The following SCHIP1 variants were observed in gnomAD, a reference collection of about 807,000 sequenced individuals.
SCHIP1 encodes the protein schwannomin-interacting protein 1.
Under a neutral mutation model 29.7 loss-of-function variants are expected in SCHIP1, and 8 were observed. That is an observed-to-expected ratio of 0.27 (90% CI 0.16 to 0.49). The LOEUF (loss-of-function observed/expected upper bound fraction) is 0.49, where lower values mean the gene tolerates loss of function less well. SCHIP1 is among the 20% of genes least tolerant of loss of function. The pLI is 0.99. For missense variants in SCHIP1, 193 were observed against 294.6 expected (o/e 0.66, Z 2.52); for synonymous variants, 76 against 94.9 (o/e 0.80, Z 1.16).
At chr3:159,279,110 C>T in the SCHIP1 span, among the ~76,000 whole-genome samples, 1 of 152,124 alleles carries the variant, frequency 6.6e-6, no homozygotes, top group African/African-American at 2.4e-5. Context: ...GTGTCCCCAC[C>T]CAAATCTCAC....
At chr3:159,738,886 C>T in the SCHIP1 span, among the ~76,000 whole-genome samples, 2 of 152,104 alleles carry the variant, frequency 1.3e-5, no homozygotes, top group South Asian at 4.1e-4. Flanking sequence ...GGAAAAGAAG[C>T]CAAACATGGG....
chr3:159,346,991 C>T, the SCHIP1 span, among the ~76,000 whole-genome samples: 3 of 148,524 alleles, frequency 2.0e-5, no homozygotes, highest in African/African-American at 5.0e-5. Flanking sequence ...CCAATGAATC[C>T]GAGTGGAGGA....
chr3:159,483,578 C>A, the SCHIP1 span, among the ~76,000 whole-genome samples: 1 of 152,100 alleles, frequency 6.6e-6, no homozygotes, highest in African/African-American at 2.4e-5. Context: ...TCCATAAACT[C>A]AAAGTTTCCA....
chr3:159,296,527 AT>A, the SCHIP1 span, among the ~76,000 whole-genome samples: 1 of 152,134 alleles, frequency 6.6e-6, no homozygotes, highest in South Asian at 2.1e-4. Context: ...TAATTCCAGC[AT>A]TTTGGGAGGC....
chr3:159,651,659 A>C, the SCHIP1 span, among the ~76,000 whole-genome samples: 39 of 152,230 alleles, frequency 2.6e-4, no homozygotes, highest in Non-Finnish European at 5.3e-4. Context: ...CAAATTGTAT[A>C]ATTATGAAAG....
the SCHIP1 span, among the ~76,000 whole-genome samples, chr3:159,668,845 T>C: frequency 6.6e-6 from 1 of 152,198 alleles, no homozygotes; most frequent in Non-Finnish European, 1.5e-5. Flanking sequence ...AAAAGTGTTA[T>C]GGTACTTTTT....
At chr3:159,512,077 T>G in the SCHIP1 span, among the ~76,000 whole-genome samples, 2 of 151,760 alleles carry the variant, frequency 1.3e-5, no homozygotes, top group Admixed American at 1.3e-4. Context: ...TGACAAATAA[T>G]TAGTGTCCAG....
chr3:159,815,500 G>A, the SCHIP1 span, among the ~76,000 whole-genome samples: 1 of 152,130 alleles, frequency 6.6e-6, no homozygotes, highest in Non-Finnish European at 1.5e-5. Context: ...TGAAAAGGAC[G>A]CCGAAGGTGT....
At chr3:159,448,591 G>T in the SCHIP1 span, among the ~76,000 whole-genome samples, 89 of 152,234 alleles carry the variant, frequency 5.8e-4, no homozygotes, top group African/African-American at 2.0e-3. Context: ...TTTAAGATTT[G>T]CCATAAAATA....
chr3:159,387,481 T>C, the SCHIP1 span: 1 of 178,578 alleles, frequency 5.6e-6, no homozygotes, highest in Non-Finnish European at 1.2e-5. Context: ...GCAGTCCTGG[T>C]GTTATTTGCC....
At chr3:159,295,008 G>T in the SCHIP1 span, among the ~76,000 whole-genome samples, 1 of 151,932 alleles carries the variant, frequency 6.6e-6, no homozygotes, top group Non-Finnish European at 1.5e-5. Flanking sequence ...CTTATCAACT[G>T]ACCCAAATTT....
chr3:159,671,911 C>T, the SCHIP1 span, among the ~76,000 whole-genome samples: 1 of 152,112 alleles, frequency 6.6e-6, no homozygotes, highest in African/African-American at 2.4e-5. Context: ...TGTATTTCCC[C>T]AAACAGGGAG....
At chr3:159,857,762 GTC>G (rs1713559619) in intron 1 of SCHIP1, among the ~76,000 whole-genome samples, 1 of 151,480 alleles carries the variant, frequency 6.6e-6, no homozygotes, top group Non-Finnish European at 1.5e-5. Flanking sequence ...ATAAATTTCT[GTC>G]TGTGCCAGGC....
the SCHIP1 span, among the ~76,000 whole-genome samples, chr3:159,455,639 T>C: frequency 2.0e-5 from 3 of 152,214 alleles, no homozygotes; most frequent in Admixed American, 6.5e-5. Flanking sequence ...ATTATGTAAC[T>C]TGTCAAGCTG....
the SCHIP1 span, among the ~76,000 whole-genome samples, chr3:159,361,868 A>T: frequency 6.6e-6 from 1 of 152,252 alleles, no homozygotes; most frequent in African/African-American, 2.4e-5. Context: ...TGGAAATCCC[A>T]TCAAATGAAA....
chr3:159,528,644 A>G, the SCHIP1 span, among the ~76,000 whole-genome samples: 205 of 152,284 alleles, frequency 1.3e-3, no homozygotes, highest in South Asian at 0.024. Flanking sequence ...TTTGGAGAAC[A>G]GTTCGTTTTT....
the SCHIP1 span, chr3:159,765,477 G>A: frequency 3.9e-6 from 1 of 257,796 alleles, no homozygotes; most frequent in South Asian, 8.5e-5. Context: ...GGAGATTCTG[G>A]CACCAAAAGT....
chr3:159,571,168 A>G, the SCHIP1 span, among the ~76,000 whole-genome samples: 1 of 152,154 alleles, frequency 6.6e-6, no homozygotes, highest in African/African-American at 2.4e-5. Context: ...AGCTTCCAAC[A>G]CTATGTTGAA....
At chr3:159,324,117 T>C in the SCHIP1 span, among the ~76,000 whole-genome samples, 1 of 152,156 alleles carries the variant, frequency 6.6e-6, no homozygotes, top group African/African-American at 2.4e-5. Context: ...CCTGGGCGGG[T>C]TACTGCAGCC....
Sources: gnomAD v4.1 joint callset for allele counts (sites outside exome capture counted in the v4.1 genomes callset) on GRCh38, gnomAD v4.1.1 for gene constraint, MANE v1.5 for transcripts, NCBI Gene and HGNC (gene_info 2026-07-23, HGNC 2026-07-21) for gene names.